LRRC53: variants seen among roughly 807,000 people sequenced by gnomAD.
The protein encoded by LRRC53 is leucine rich repeat containing 53.
A neutral mutation model predicts 13.6 loss-of-function variants in LRRC53; 25 were observed. The observed-to-expected ratio is 1.83, with a 90% CI of 1.34 to 2.56. LRRC53 has a LOEUF of 2.56. Ranked by LOEUF, LRRC53 falls within the 30% of genes most tolerant of loss-of-function variation. The pLI, the probability that LRRC53 is intolerant of heterozygous loss-of-function variation, is 0.00. For synonymous variants in LRRC53, 204 were observed against 109.8 expected, an observed-to-expected ratio of 1.86 and a Z score of -5.37; for missense variants, 527 against 275.8, an observed-to-expected ratio of 1.91 and a Z score of -6.45.
chr1:74,486,019 C>T (rs550178036), intron 1 of LRRC53, among the ~76,000 whole-genome samples: 1 of 152,246 alleles, frequency 6.6e-6, no homozygotes, highest in South Asian at 2.1e-4. Flanking sequence ...CCAGTGGAAA[C>T]TGAGATAAAA....
intron 1 of LRRC53, among the ~76,000 whole-genome samples, chr1:74,506,095 G>A (rs748688459): frequency 1.3e-5 from 2 of 152,122 alleles, no homozygotes; most frequent in Admixed American, 6.5e-5. Context: ...GTCCTAGGGG[G>A]ATATGATGTA....
upstream of LRRC53, among the ~76,000 whole-genome samples, chr1:74,514,279 A>C (rs188550247): frequency 4.7e-3 from 716 of 152,278 alleles, 6 homozygotes; most frequent in African/African-American, 0.017. Context: ...GCGTTTTCAC[A>C]CAATTCTATG....
chr1:74,484,557 G>A (rs1312457799), intron 1 of LRRC53, among the ~76,000 whole-genome samples: 7 of 152,076 alleles, frequency 4.6e-5, no homozygotes, highest in Non-Finnish European at 1.0e-4. Flanking sequence ...TCTAAATATG[G>A]CAAACAAGGA....
the LRRC53 span, among the ~76,000 whole-genome samples, chr1:74,521,473 T>TCA: frequency 3.5e-4 from 42 of 121,042 alleles, no homozygotes; most frequent in African/African-American, 8.8e-4. Flanking sequence ...CTTATCTCTC[T>TCA]CACACACACA....
chr1:74,523,401 T>C, the LRRC53 span, among the ~76,000 whole-genome samples: 1 of 152,200 alleles, frequency 6.6e-6, no homozygotes, highest in Non-Finnish European at 1.5e-5. Flanking sequence ...TTTATTGTGT[T>C]TGTGTATTCA....
At position 74,475,283 on chromosome 1, in the gene LRRC53, A is replaced by T; in HGVS notation, c.1420+12T>A. On this transcript the variant is annotated intron_variant, in intron 4 of 4. Coordinates refer to ENST00000294635, the MANE Select transcript of LRRC53 (RefSeq NM_001382280.1). ...AAACGGAGTGGGATTTTCTAAAACA[A>T]GACAAACTCACCTTCTGTTCTTATT... 1.6e-6 allele frequency: 1 copy of T among 631,008 alleles called. No homozygotes were observed. Among genetic ancestry groups the T allele is most frequent in the South Asian group, 1.9e-5 (1 of 52,040 alleles). The allele number at this position is 631,008 out of a possible 1,614,324, so 39.1% of individuals were successfully genotyped here.
chr1:74,483,324 G>A lies in LRRC53; in HGVS notation c.26C>T (p.Pro9Leu). 1.4e-6 allele frequency: 1 copy of A among 717,486 alleles called. No individual in the cohort carries two copies. Among genetic ancestry groups the A allele is most frequent in the Non-Finnish European group, 2.6e-6 (1 of 384,996 alleles). The allele number at this position is 717,486 out of a possible 1,614,324, so 44.4% of individuals were successfully genotyped here. A position where few individuals can be genotyped will look rare whatever the true frequency, so the allele number is the denominator to read the frequency against. The change falls in exon 2 of 5, where the codon CCT becomes CTT. Residue 9 changes from proline to leucine, a missense_variant. Physicochemically the swap from Pro to Leu is moderately conservative, Grantham distance 98. Coordinates refer to ENST00000294635, the MANE Select transcript of LRRC53 (RefSeq NM_001382280.1). MLRLVAACPESCVVCTKDV... is the reference protein window; with the variant it reads MLRLVAACLESCVVCTKDV... Reference sequence around the variant, plus strand: ...TTTGGTGCACACCACACATGACTCAGGGCAAGCTGCCACCAACCGCAACAT... The same window carrying A: ...TTTGGTGCACACCACACATGACTCAAGGCAAGCTGCCACCAACCGCAACAT...
intron 4 of LRRC53, among the ~76,000 whole-genome samples, chr1:74,472,747 A>ATT: frequency 1.3e-5 from 2 of 152,176 alleles, no homozygotes; most frequent in Non-Finnish European, 2.9e-5. Context: ...TGTTCATTAA[A>ATT]TATTTGTTAA....
the LRRC53 span, among the ~76,000 whole-genome samples, chr1:74,526,349 A>G: frequency 3.2e-4 from 49 of 152,288 alleles, no homozygotes; most frequent in African/African-American, 1.2e-3. Context: ...TTTATCTTCC[A>G]TCAATAAAAT....
upstream of LRRC53, among the ~76,000 whole-genome samples, chr1:74,517,481 G>A (rs897014901): frequency 4.6e-5 from 7 of 152,160 alleles, no homozygotes; most frequent in African/African-American, 1.7e-4. Context: ...TGGTAAATGG[G>A]TCAACTGAGC....
At chr1:74,476,726 G>T (rs772631150) in intron 3 of LRRC53, among the ~76,000 whole-genome samples, 3 of 152,138 alleles carry the variant, frequency 2.0e-5, no homozygotes, top group African/African-American at 4.8e-5. Context: ...ACCCACATCT[G>T]CCTGAGGACA....
At chr1:74,528,167 T>C in the LRRC53 span, among the ~76,000 whole-genome samples, 2 of 152,256 alleles carry the variant, frequency 1.3e-5, no homozygotes, top group South Asian at 4.1e-4. Flanking sequence ...CCACTGTGGT[T>C]CCATGCAGGC....
the LRRC53 span, among the ~76,000 whole-genome samples, chr1:74,520,461 C>A: frequency 6.6e-6 from 1 of 151,954 alleles, no homozygotes; most frequent in African/African-American, 2.4e-5. Flanking sequence ...AATCGACCTT[C>A]TCATTTCTGA....
At position 74,470,472 on chromosome 1, in the gene LRRC53, G is replaced by A. The variant is rs1384204995; in HGVS notation, c.3150C>T (p.His1050=). ...TTCCTTTTTCGCTACTATTGGTTAG[G>A]TGCCAAACGGCTTGACTACTAACAG... ...TSPVSSQAVW[H]LTNSSEKGID... Residue 1050 remains histidine, a synonymous_variant, in exon 5 of 5, where the codon CAC becomes CAT. Coordinates refer to ENST00000294635, the MANE Select transcript of LRRC53 (RefSeq NM_001382280.1). The A allele has an allele frequency of 5.0e-6, 2 of 400,504 alleles. No individual in the cohort carries two copies. Among genetic ancestry groups the A allele is most frequent in the Non-Finnish European group, 8.8e-6 (2 of 226,182 alleles). The allele number at this position is 400,504 out of a possible 1,614,324, so 24.8% of individuals were successfully genotyped here. A position where few individuals can be genotyped will look rare whatever the true frequency, so the allele number is the denominator to read the frequency against.
At chr1:74,486,953 C>T (rs1021093348) in intron 1 of LRRC53, among the ~76,000 whole-genome samples, 1 of 151,962 alleles carries the variant, frequency 6.6e-6, no homozygotes, top group African/African-American at 2.4e-5. Context: ...TCTTTGTAAC[C>T]TTGACAAGGG....
chr1:74,522,638 G>A, the LRRC53 span, among the ~76,000 whole-genome samples: 3 of 150,822 alleles, frequency 2.0e-5, no homozygotes, highest in Admixed American at 2.0e-4. Flanking sequence ...TAAGGTGTAT[G>A]TGTGTGTGTG....
upstream of LRRC53, among the ~76,000 whole-genome samples, chr1:74,515,808 G>T (rs957853057): frequency 9.8e-5 from 15 of 152,304 alleles, no homozygotes; most frequent in African/African-American, 3.4e-4. Flanking sequence ...TTTCTCTTCA[G>T]AAGCCTAGTC....
chr1:74,498,824 A>T (rs1273090160), intron 1 of LRRC53, among the ~76,000 whole-genome samples: 4 of 152,196 alleles, frequency 2.6e-5, no homozygotes, highest in African/African-American at 4.8e-5. Context: ...GAGAAAAGTG[A>T]CTACCACATT....
chr1:74,521,755 C>G, the LRRC53 span, among the ~76,000 whole-genome samples: 2 of 152,164 alleles, frequency 1.3e-5, no homozygotes, highest in Admixed American at 1.3e-4. Context: ...CACAGGGTCT[C>G]ATAAATGAAT....
Sources: allele counts gnomAD v4.1 joint callset (sites outside exome capture counted in the v4.1 genomes callset), GRCh38; gene constraint gnomAD v4.1.1; transcripts MANE v1.5; gene names NCBI Gene and HGNC (gene_info 2026-07-23, HGNC 2026-07-21).